The following MYRFL variants were observed in gnomAD, a reference collection of about 807,000 sequenced individuals.
The protein encoded by MYRFL is myelin regulatory factor-like protein.
Under a neutral mutation model 109.4 loss-of-function variants are expected in MYRFL, and 88 were observed. The ratio of observed to expected loss-of-function variants is 0.80; its 90% CI spans 0.68 to 0.96. The LOEUF (loss-of-function observed/expected upper bound fraction) is 0.96. MYRFL is among the 40% of genes least tolerant of loss of function. The probability of loss-of-function intolerance (pLI) is 0.00; values close to 1 mark genes in which losing one functional copy is unlikely to be tolerated. For synonymous variants in MYRFL, 324 were observed against 320.9 expected, an observed-to-expected ratio of 1.01 and a Z score of -0.10; for missense variants, 957 against 954.9, an observed-to-expected ratio of 1.00 and a Z score of -0.03.
chr12:69,929,884 A>G (rs1409687366), intron 15 of MYRFL, among the ~76,000 whole-genome samples: 1 of 152,230 alleles, frequency 6.6e-6, no homozygotes, highest in Non-Finnish European at 1.5e-5. Flanking sequence ...GTGAGGATTA[A>G]ATAAATTGAT....
intron 2 of MYRFL, among the ~76,000 whole-genome samples, chr12:69,876,272 A>G (rs1472655464): frequency 2.0e-5 from 3 of 152,224 alleles, no homozygotes; most frequent in Non-Finnish European, 4.4e-5. Context: ...GCTGTAAACA[A>G]GAAACTCACT....
At chr12:69,826,138 G>T (rs1219975654) in intron 1 of MYRFL, among the ~76,000 whole-genome samples, 1 of 152,054 alleles carries the variant, frequency 6.6e-6, no homozygotes, top group Non-Finnish European at 1.5e-5. Flanking sequence ...GAACACTAAA[G>T]AGTGACGGGG....
chr12:69,889,485 A>G (rs372058890), intron 6 of MYRFL, among the ~76,000 whole-genome samples: 3 of 152,076 alleles, frequency 2.0e-5, no homozygotes, highest in East Asian at 3.9e-4. Flanking sequence ...ATTGTATTAT[A>G]CTTACCCTAA....
intron 22 of MYRFL, 24 bp from the exon 23 acceptor site, chr12:69,957,798 C>G: frequency 6.6e-7 from 1 of 1,506,540 alleles, no homozygotes; most frequent in Non-Finnish European, 8.9e-7. Flanking sequence ...TTCAGGTGCT[C>G]TTTCTTTTCT....
chr12:69,893,867 T>C, intron 8 of MYRFL, 27 bp downstream of exon 8: 1 of 1,199,852 alleles, frequency 8.3e-7, no homozygotes, highest in Non-Finnish European at 1.1e-6. Context: ...TGAATTCCTT[T>C]GTGAATGTTT....
chr12:69,958,714 C>A lies in MYRFL; in HGVS notation c.*183C>A. 1.9e-6 allele frequency: 1 copy of A among 533,154 alleles called. No homozygotes were observed. Among genetic ancestry groups the A allele is most frequent in the Non-Finnish European group, 3.3e-6 (1 of 306,294 alleles). The allele number at this position is 533,154 out of a possible 1,614,324, so 33.0% of individuals were successfully genotyped here. ...ATTAATGAGGAGAATAAAATGTTTGCTGAAACTTGAAATAATGTGATGTTT... is the reference window on the plus strand; with the variant it reads ...ATTAATGAGGAGAATAAAATGTTTGATGAAACTTGAAATAATGTGATGTTT... On this transcript the variant is annotated 3_prime_UTR_variant, in exon 25 of 25. Transcript: ENST00000552032.
intron 15 of MYRFL, among the ~76,000 whole-genome samples, 180 bp downstream of exon 15, chr12:69,927,928 A>T (rs1320367226): frequency 6.6e-6 from 1 of 152,254 alleles, no homozygotes; most frequent in Admixed American, 6.5e-5. Flanking sequence ...TTTTAAAAGC[A>T]AAGTTTAGAG....
chr12:69,856,952 G>T (rs1884329906), intron 2 of MYRFL, among the ~76,000 whole-genome samples: 1 of 151,816 alleles, frequency 6.6e-6, no homozygotes, highest in Admixed American at 6.6e-5. Context: ...TAGCTAAGAA[G>T]TATAGACTTT....
intron 2 of MYRFL, among the ~76,000 whole-genome samples, chr12:69,868,109 CTT>C (rs146729804): frequency 2.4e-4 from 32 of 135,634 alleles, no homozygotes; most frequent in African/African-American, 4.2e-4. Context: ...TTTTTTTTTT[CTT>C]TTTTTTTTTT....
At chr12:69,875,671 G>A (rs1421622689) in intron 2 of MYRFL, among the ~76,000 whole-genome samples, 1 of 152,200 alleles carries the variant, frequency 6.6e-6, no homozygotes, top group Non-Finnish European at 1.5e-5. Flanking sequence ...TTAGGAGCGG[G>A]AACCCTGTTG....
intron 1 of MYRFL, 119 bp downstream of exon 1, chr12:69,825,682 A>G: frequency 1.6e-6 from 1 of 635,052 alleles, no homozygotes; most frequent in Non-Finnish European, 2.8e-6. Flanking sequence ...ATACTTAGGT[A>G]ACTCTCCTAA....
At chr12:69,920,810 A>G (rs1234207903) in intron 13 of MYRFL, among the ~76,000 whole-genome samples, 1 of 152,224 alleles carries the variant, frequency 6.6e-6, no homozygotes, top group African/African-American at 2.4e-5. Context: ...TTCTGATTTC[A>G]TGAATGCTTT....
At chr12:69,841,918 C>T (rs1023005720) in intron 1 of MYRFL, among the ~76,000 whole-genome samples, 1 of 152,084 alleles carries the variant, frequency 6.6e-6, no homozygotes, top group African/African-American at 2.4e-5. Flanking sequence ...TCATTTAATT[C>T]CCACAACTCC....
intron 10 of MYRFL, among the ~76,000 whole-genome samples, chr12:69,903,430 C>T (rs530662000): frequency 6.6e-6 from 1 of 152,244 alleles, no homozygotes; most frequent in South Asian, 2.1e-4. Context: ...GTATACAGAG[C>T]TCCTGCTAGC....
At chr12:69,896,042 G>T (rs1474057816) in intron 9 of MYRFL, among the ~76,000 whole-genome samples, 2 of 152,112 alleles carry the variant, frequency 1.3e-5, no homozygotes, top group African/African-American at 2.4e-5. Flanking sequence ...AACCCTCCAG[G>T]TGACACTGAT....
chr12:69,905,665 T>C (rs1954332302), intron 11 of MYRFL, among the ~76,000 whole-genome samples: 1 of 152,238 alleles, frequency 6.6e-6, no homozygotes, highest in African/African-American at 2.4e-5. Context: ...AGGTATTTTT[T>C]AGCCAGACAA....
chr12:69,887,029 C>T (rs1222897814), intron 6 of MYRFL, 59 bp downstream of exon 6: 4 of 1,511,136 alleles, frequency 2.6e-6, no homozygotes, highest in Non-Finnish European at 2.7e-6. Context: ...AATCTCAGTA[C>T]TGAGTTCAAG....
At chr12:69,932,748 G>A in intron 16 of MYRFL, 150 bp downstream of exon 16, 1 of 601,090 alleles carries the variant, frequency 1.7e-6, no homozygotes. Flanking sequence ...ATAGAAATGA[G>A]GGAACCTTTT....
intron 13 of MYRFL, among the ~76,000 whole-genome samples, chr12:69,923,343 A>G (rs939927194): frequency 2.0e-5 from 3 of 152,342 alleles, no homozygotes; most frequent in South Asian, 4.1e-4. Context: ...TTTAGAGACT[A>G]CAATGAGGAG....
Sources: allele counts gnomAD v4.1 joint callset (sites outside exome capture counted in the v4.1 genomes callset), GRCh38; gene constraint gnomAD v4.1.1; transcripts MANE v1.5; gene names NCBI Gene and HGNC (gene_info 2026-07-23, HGNC 2026-07-21).